The following EEA1 variants were observed in gnomAD, a reference collection of about 807,000 sequenced individuals.
EEA1 encodes early endosome antigen 1, also known as early endosome antigen 1, 162kD.
In EEA1, 111 loss-of-function variants were observed where a neutral mutation model predicts 209.2. The observed-to-expected ratio is 0.53, with a 90% confidence interval of 0.45 to 0.62. The LOEUF (loss-of-function observed/expected upper bound fraction) is 0.62. Ranked by LOEUF, EEA1 falls within the 20% of genes least tolerant of loss-of-function variation. The pLI is 0.00. For synonymous variants in EEA1, 536 were observed against 540.6 expected (o/e 0.99, Z 0.12); for missense variants, 1,343 against 1,530.8 (o/e 0.88, Z 2.05).
intron 2 of EEA1, chr12:92,884,371 C>T: frequency 8.0e-7 from 1 of 1,248,750 alleles, no homozygotes; most frequent in Non-Finnish European, 1.2e-6. Context: ...GTTCTAGAAA[C>T]TTTGGCGGTG....
At position 92,802,753 on chromosome 12, in the gene EEA1, A is replaced by G; in HGVS notation, c.2340-19T>C. ...GGATACTCTAAATATTTAAAAAACA[A>G]TCTTTTTAAATAACACATAATTTAC... is the stretch of plus-strand genomic sequence containing the variant. On this transcript the variant is annotated intron_variant, in intron 18 of 28. Transcript: ENST00000322349. The G allele has an allele frequency of 6.8e-7, 1 of 1,473,828 alleles. No homozygotes were observed. The highest frequency in any genetic ancestry group is 2.5e-5 in the East Asian group (1 of 40,314). The allele number at this position is 1,473,828 out of a possible 1,614,324, so 91.3% of individuals were successfully genotyped here. A position where few individuals can be genotyped will look rare whatever the true frequency, so the allele number is the denominator to read the frequency against.
At chr12:92,839,967 T>C (rs565231674) in intron 10 of EEA1, among the ~76,000 whole-genome samples, 3 of 152,302 alleles carry the variant, frequency 2.0e-5, no homozygotes, top group Admixed American at 2.0e-4. Flanking sequence ...CCTCAGGGTC[T>C]CTCATGAGGT....
chr12:92,877,392 G>A (rs1878957031), intron 2 of EEA1, among the ~76,000 whole-genome samples: 2 of 152,070 alleles, frequency 1.3e-5, no homozygotes, highest in Non-Finnish European at 2.9e-5. Context: ...ATAAAAGGAG[G>A]ACAGTTACAA....
intron 1 of EEA1, among the ~76,000 whole-genome samples, chr12:92,924,616 A>G (rs1401287324): frequency 6.6e-6 from 1 of 152,126 alleles, no homozygotes; most frequent in African/African-American, 2.4e-5. Context: ...AAAACTACAC[A>G]GATAGTAAAT....
At chr12:92,876,943 G>GTT (rs112295596) in intron 2 of EEA1, among the ~76,000 whole-genome samples, 58 of 142,478 alleles carry the variant, frequency 4.1e-4, no homozygotes, top group African/African-American at 6.4e-4. Flanking sequence ...CCTGGGTGTT[G>GTT]TTTTTTTTTT....
chr12:92,824,831 CA>C (rs913581580), intron 13 of EEA1, among the ~76,000 whole-genome samples: 7 of 152,192 alleles, frequency 4.6e-5, no homozygotes, highest in Admixed American at 6.5e-5. Flanking sequence ...TCCATGAGAG[CA>C]GATATTTTTG....
intron 1 of EEA1, among the ~76,000 whole-genome samples, chr12:92,910,490 C>T (rs1287523019): frequency 6.6e-6 from 1 of 151,650 alleles, no homozygotes; most frequent in Non-Finnish European, 1.5e-5. Context: ...AATAAATAAA[C>T]TCAAAATGGA....
chr12:92,904,791 C>A (rs540232441), intron 1 of EEA1, among the ~76,000 whole-genome samples: 1 of 152,288 alleles, frequency 6.6e-6, no homozygotes, highest in East Asian at 1.9e-4. Context: ...TGCAGGGCTC[C>A]CAAGCACAGG....
At chr12:92,899,864 T>C (rs936004110) in intron 1 of EEA1, among the ~76,000 whole-genome samples, 1 of 152,216 alleles carries the variant, frequency 6.6e-6, no homozygotes, top group African/African-American at 2.4e-5. Context: ...AGCAGGATAT[T>C]GTGAAACCTC....
intron 2 of EEA1, among the ~76,000 whole-genome samples, chr12:92,886,184 G>A (rs377608672): frequency 1.1e-4 from 15 of 133,018 alleles, no homozygotes; most frequent in African/African-American, 4.0e-4. Flanking sequence ...GAAAAAGAAA[G>A]ATCAAATTTG....
chr12:92,923,077 G>C (rs1481745544), intron 1 of EEA1, among the ~76,000 whole-genome samples: 1 of 152,132 alleles, frequency 6.6e-6, no homozygotes, highest in Non-Finnish European at 1.5e-5. Flanking sequence ...GCCGGGCGCG[G>C]TGGCTCACGC....
intron 10 of EEA1, chr12:92,835,351 A>T (rs1037143031): frequency 3.3e-6 from 1 of 305,854 alleles, no homozygotes; most frequent in African/African-American, 2.3e-5. Flanking sequence ...CTTAGAAAGT[A>T]ACCAACTAAT....
chr12:92,836,893 C>T (rs1239425029), intron 10 of EEA1, among the ~76,000 whole-genome samples: 3 of 151,964 alleles, frequency 2.0e-5, no homozygotes, highest in South Asian at 4.1e-4. Context: ...GAGGCCGAGG[C>T]GGGCAGATCA....
intron 12 of EEA1, 54 bp from the exon 13 acceptor site, chr12:92,826,339 C>T: frequency 6.6e-7 from 1 of 1,505,498 alleles, no homozygotes; most frequent in Non-Finnish European, 9.2e-7. Flanking sequence ...TGCTATCATT[C>T]ATAAGTATCT....
chr12:92,792,427 A>C (rs1339598329), intron 21 of EEA1, among the ~76,000 whole-genome samples: 2 of 152,004 alleles, frequency 1.3e-5, no homozygotes, highest in East Asian at 3.8e-4. Flanking sequence ...TAGATGCAAT[A>C]AAAAAATGAT....
In EEA1 at chr12:92,852,898, C is replaced by A. The variant is rs1354733145; in HGVS notation, c.520+14G>T. 1.9e-6 allele frequency: 3 copies of A among 1,585,646 alleles called. No homozygotes were observed. The African/African-American group carries it at 4.1e-5, about 21-fold the overall frequency. On this transcript the variant is annotated intron_variant, in intron 7 of 28. Transcript: ENST00000322349. ...AGATTGATTTATTGGCTAAAAAATT[C>A]TAACTCAATTTACCTGCAATTTCAG...
At chr12:92,883,927 G>C (rs1879274372) in intron 2 of EEA1, 4 of 1,547,422 alleles carry the variant, frequency 2.6e-6, no homozygotes, top group Admixed American at 1.7e-5. Context: ...TCCAAACACA[G>C]AGCACTCCAG....
intron 2 of EEA1, among the ~76,000 whole-genome samples, chr12:92,868,779 C>T (rs895531482): frequency 6.6e-6 from 1 of 152,084 alleles, no homozygotes; most frequent in Admixed American, 6.6e-5. Flanking sequence ...ACATATAATT[C>T]CGCACCTTCT....
intron 1 of EEA1, among the ~76,000 whole-genome samples, chr12:92,891,941 T>C (rs73364433): frequency 0.017 from 2,583 of 152,318 alleles, 33 homozygotes; most frequent in East Asian, 0.04. Flanking sequence ...ACAAAATGTA[T>C]ACAACACTTT....
Sources: allele counts gnomAD v4.1 joint callset (sites outside exome capture counted in the v4.1 genomes callset), GRCh38; gene constraint gnomAD v4.1.1; transcripts MANE v1.5; gene names NCBI Gene and HGNC (gene_info 2026-07-23, HGNC 2026-07-21).